TMEM135: variants seen among roughly 807,000 people sequenced by gnomAD.
TMEM135 encodes peroxisomal membrane protein 52.
In TMEM135, 30 loss-of-function variants were observed where a neutral mutation model predicts 60.3. The ratio of observed to expected loss-of-function variants is 0.50; its 90% confidence interval spans 0.37 to 0.68. The LOEUF (loss-of-function observed/expected upper bound fraction) is 0.68, where lower values mean the gene tolerates loss of function less well. TMEM135 is among the 30% of genes least tolerant of loss of function. The pLI is 0.00. For missense variants in TMEM135, 468 were observed against 548.8 expected, an observed-to-expected ratio of 0.85 and a Z score of 1.47; for synonymous variants, 190 against 186.7, an observed-to-expected ratio of 1.02 and a Z score of -0.14.
chr11:87,285,158 A>G (rs955967571), intron 6 of TMEM135, among the ~76,000 whole-genome samples: 1 of 152,262 alleles, frequency 6.6e-6, no homozygotes, highest in South Asian at 2.1e-4. Flanking sequence ...AAAATGTACA[A>G]TTGTTGATCA....
At chr11:87,046,233 C>T (rs1384546264) in intron 1 of TMEM135, among the ~76,000 whole-genome samples, 3 of 152,128 alleles carry the variant, frequency 2.0e-5, no homozygotes, top group African/African-American at 7.2e-5. Flanking sequence ...GCTGAAACCC[C>T]TCCCCTACTA....
Position 87,140,382 on chromosome 11 carries a change from A to T in TMEM135, c.397-16959A>T, listed in dbSNP as rs181430631. 9.2e-5 allele frequency among the ~76,000 whole-genome samples: 14 copies of T among 152,248 alleles called. No homozygotes were observed. In the South Asian group the frequency reaches 1.9e-3, roughly 20 times the overall value. Reference sequence around the variant, plus strand: ...ACGCCCAGCTGCTTTTTCATTTTTTAAATTAAGTAATGGGCTATCATGGGC... The same window carrying T: ...ACGCCCAGCTGCTTTTTCATTTTTTTAATTAAGTAATGGGCTATCATGGGC... On this transcript the variant is annotated intron_variant, in intron 4 of 14. Coordinates refer to ENST00000305494, the MANE Select transcript of TMEM135 (RefSeq NM_022918.4).
intron 4 of TMEM135, among the ~76,000 whole-genome samples, chr11:87,127,016 T>C (rs1452056804): frequency 6.6e-6 from 1 of 152,118 alleles, no homozygotes; most frequent in Non-Finnish European, 1.5e-5. Context: ...AGCTCATTTA[T>C]GGTATATTTA....
intron 3 of TMEM135, among the ~76,000 whole-genome samples, chr11:87,075,618 C>T (rs925857923): frequency 1.3e-5 from 2 of 152,138 alleles, no homozygotes; most frequent in Non-Finnish European, 2.9e-5. Context: ...GATAGTGTCT[C>T]CACTTTTTCC....
intron 4 of TMEM135, among the ~76,000 whole-genome samples, chr11:87,091,845 A>G (rs1408655343): frequency 6.6e-6 from 1 of 152,136 alleles, no homozygotes; most frequent in Non-Finnish European, 1.5e-5. Context: ...GCATTTAATA[A>G]TATAATTAGC....
At chr11:87,309,120 A>C (rs921014543) in intron 9 of TMEM135, among the ~76,000 whole-genome samples, 2 of 152,182 alleles carry the variant, frequency 1.3e-5, no homozygotes, top group Non-Finnish European at 2.9e-5. Flanking sequence ...TTTCAAGAGC[A>C]TTTGGTTTTA....
chr11:87,202,061 C>T (rs922352165), intron 5 of TMEM135, among the ~76,000 whole-genome samples: 4 of 151,708 alleles, frequency 2.6e-5, no homozygotes, highest in Non-Finnish European at 2.9e-5. Flanking sequence ...AGTCTGGCTG[C>T]GTTGCCCAAA....
chr11:87,114,427 A>G (rs952246538), intron 4 of TMEM135, among the ~76,000 whole-genome samples: 26 of 152,180 alleles, frequency 1.7e-4, no homozygotes, highest in Non-Finnish European at 3.8e-4. Context: ...GAGAAAAGAA[A>G]AACAATTACA....
chr11:87,083,040 GTTTC>G (rs1251057300), intron 3 of TMEM135, among the ~76,000 whole-genome samples: 7 of 152,140 alleles, frequency 4.6e-5, no homozygotes, highest in African/African-American at 1.7e-4. Context: ...ATTGGTTTAA[GTTTC>G]TTTCTTCCTC....
chr11:87,044,087 G>A (rs939526449), intron 1 of TMEM135, among the ~76,000 whole-genome samples: 1 of 152,048 alleles, frequency 6.6e-6, no homozygotes, highest in African/African-American at 2.4e-5. Context: ...ACTCTTCAGT[G>A]GATGAACATG....
chr11:87,170,908 T>C (rs1247128414), intron 5 of TMEM135, among the ~76,000 whole-genome samples: 1 of 152,086 alleles, frequency 6.6e-6, no homozygotes, highest in East Asian at 1.9e-4. Context: ...CTTCCCCAGG[T>C]TTTCTGTCCC....
chr11:87,197,120 A>C (rs1939978378), intron 5 of TMEM135, among the ~76,000 whole-genome samples: 1 of 152,106 alleles, frequency 6.6e-6, no homozygotes, highest in African/African-American at 2.4e-5. Flanking sequence ...TTCTTTAGAA[A>C]AAAATACAAG....
chr11:87,262,469 T>C (rs1377118453), intron 6 of TMEM135, among the ~76,000 whole-genome samples: 1 of 152,244 alleles, frequency 6.6e-6, no homozygotes, highest in Non-Finnish European at 1.5e-5. Context: ...TGCTGTACTT[T>C]GAGGTGGAAC....
chr11:87,112,009 A>G (rs2445555), intron 4 of TMEM135, among the ~76,000 whole-genome samples: 83,513 of 152,044 alleles, frequency 0.55, 23,775 homozygotes, highest in East Asian at 0.71. Flanking sequence ...ACCTTCTAGA[A>G]CTTGAGGCTT....
At chr11:87,251,477 T>C (rs187987146) in intron 6 of TMEM135, among the ~76,000 whole-genome samples, 34 of 152,320 alleles carry the variant, frequency 2.2e-4, no homozygotes, top group Non-Finnish European at 2.4e-4. Flanking sequence ...TTCTTCATTA[T>C]GAAAAGTGTA....
At chr11:87,238,261 A>G (rs754967291) in intron 6 of TMEM135, among the ~76,000 whole-genome samples, 10 of 152,100 alleles carry the variant, frequency 6.6e-5, no homozygotes, top group Non-Finnish European at 1.3e-4. Context: ...TCCTGCTAGT[A>G]TGTCCTAATA....
intron 1 of TMEM135, among the ~76,000 whole-genome samples, chr11:87,042,724 T>G (rs990850423): frequency 6.6e-6 from 1 of 152,190 alleles, no homozygotes; most frequent in Non-Finnish European, 1.5e-5. Flanking sequence ...TCATGTGTGT[T>G]GTACTAAACT....
intron 4 of TMEM135, among the ~76,000 whole-genome samples, chr11:87,107,083 C>T (rs1053976974): frequency 2.6e-5 from 4 of 152,122 alleles, no homozygotes; most frequent in Non-Finnish European, 5.9e-5. Flanking sequence ...CCACTGGGCC[C>T]CACTTGTAGC....
intron 4 of TMEM135, among the ~76,000 whole-genome samples, chr11:87,108,254 C>T (rs1399478023): frequency 6.6e-6 from 1 of 152,150 alleles, no homozygotes; most frequent in South Asian, 2.1e-4. Flanking sequence ...CATGCAGAAG[C>T]TCTTTAGTTT....
Sources: gnomAD v4.1 joint callset for allele counts (sites outside exome capture counted in the v4.1 genomes callset) on GRCh38, gnomAD v4.1.1 for gene constraint, MANE v1.5 for transcripts, NCBI Gene and HGNC (gene_info 2026-07-23, HGNC 2026-07-21) for gene names.